The following KDM1A variants were observed in gnomAD, a reference collection of about 807,000 sequenced individuals.
The protein encoded by KDM1A is lysine demethylase 1A.
In KDM1A, 49 loss-of-function variants were observed where a neutral mutation model predicts 109.4. The observed-to-expected ratio is 0.45, with a 90% confidence interval of 0.36 to 0.57. KDM1A has a LOEUF of 0.57. Ranked by LOEUF, KDM1A falls within the 20% of genes least tolerant of loss-of-function variation. The pLI is 0.00. For synonymous variants in KDM1A, 380 were observed against 415.4 expected, an observed-to-expected ratio of 0.91 and a Z score of 1.04; for missense variants, 668 against 1,116.6, an observed-to-expected ratio of 0.60 and a Z score of 5.73.
At chr1:23,053,920 G>A in intron 5 of KDM1A, 81 bp downstream of exon 5, 1 of 761,810 alleles carries the variant, frequency 1.3e-6, no homozygotes, top group Non-Finnish European at 2.3e-6. Flanking sequence ...ATGGTTCCTT[G>A]ATAATTAATT....
At chr1:23,072,341 A>G (rs1643344880) in intron 14 of KDM1A, 144 bp downstream of exon 14, 2 of 651,026 alleles carry the variant, frequency 3.1e-6, no homozygotes, top group Non-Finnish European at 5.5e-6. Context: ...ATGTGTGACT[A>G]CTTTTGAGGT....
chr1:23,071,524 G>A (rs140554228), intron 13 of KDM1A, among the ~76,000 whole-genome samples, 165 bp downstream of exon 13: 40 of 152,256 alleles, frequency 2.6e-4, no homozygotes, highest in African/African-American at 8.9e-4. Flanking sequence ...GGGTTAGTTC[G>A]GTTTAAGACC....
At chr1:23,058,361 G>A (rs1180709923) in intron 8 of KDM1A, among the ~76,000 whole-genome samples, 3 of 152,166 alleles carry the variant, frequency 2.0e-5, no homozygotes, top group Admixed American at 1.3e-4. Context: ...TTACCAGCAT[G>A]AGCCACCATG....
chr1:23,055,454 TGAGAG>T (rs1642804738), intron 6 of KDM1A: 1 of 193,166 alleles, frequency 5.2e-6, no homozygotes, highest in Admixed American at 5.9e-5. Context: ...TTGTTAAAAA[TGAGAG>T]GAGTTCATTC....
At chr1:23,024,142 C>G (rs1055716344) in intron 1 of KDM1A, among the ~76,000 whole-genome samples, 1 of 151,878 alleles carries the variant, frequency 6.6e-6, no homozygotes, top group Non-Finnish European at 1.5e-5. Context: ...AGCCACCTCA[C>G]CCAACCAAGA....
chr1:23,059,318 G>A (rs746637974), intron 9 of KDM1A, 151 bp downstream of exon 9: 1 of 727,490 alleles, frequency 1.4e-6, no homozygotes, highest in Non-Finnish European at 2.5e-6. Flanking sequence ...ATGTTATTCT[G>A]GTTGTTTCTT....
intron 4 of KDM1A, among the ~76,000 whole-genome samples, chr1:23,050,916 C>T (rs1569726661): frequency 6.6e-6 from 1 of 152,096 alleles, no homozygotes; most frequent in South Asian, 2.1e-4. Context: ...AAAACCCTTT[C>T]TCTACTAAAA....
At chr1:23,053,883 A>G (rs374286679) in intron 5 of KDM1A, 44 bp downstream of exon 5, 375 of 1,027,442 alleles carry the variant, frequency 3.6e-4, no homozygotes, top group Non-Finnish European at 4.8e-4. Flanking sequence ...TGGATTGTGA[A>G]AATTGATACG....
chr1:23,041,656 T>A (rs1642339391), intron 2 of KDM1A, among the ~76,000 whole-genome samples: 1 of 151,956 alleles, frequency 6.6e-6, no homozygotes, highest in Admixed American at 6.5e-5. Context: ...TTGGTCAGGC[T>A]GGTCTTGAAC....
At chr1:23,022,293 GA>G (rs1641655824) in intron 1 of KDM1A, among the ~76,000 whole-genome samples, 1 of 151,418 alleles carries the variant, frequency 6.6e-6, no homozygotes, top group East Asian at 1.9e-4. Context: ...GTAAATATAT[GA>G]GGGTTCCAGT....
intron 9 of KDM1A, among the ~76,000 whole-genome samples, chr1:23,063,453 T>G (rs1643076172): frequency 6.6e-6 from 1 of 152,220 alleles, no homozygotes; most frequent in Non-Finnish European, 1.5e-5. Flanking sequence ...ATTTGTGTTC[T>G]TATACAGTGG....
intron 1 of KDM1A, among the ~76,000 whole-genome samples, chr1:23,023,192 A>G (rs1641694208): frequency 6.6e-6 from 1 of 152,180 alleles, no homozygotes; most frequent in South Asian, 2.1e-4. Flanking sequence ...AGAGTTCTTT[A>G]CATATTCTGG....
chr1:23,057,010 T>G (rs1214790870), intron 7 of KDM1A, among the ~76,000 whole-genome samples: 1 of 152,054 alleles, frequency 6.6e-6, no homozygotes, highest in Non-Finnish European at 1.5e-5. Flanking sequence ...GAGAACCATT[T>G]GTCAGAAAAA....
chr1:23,024,503 T>C (rs1641737098), intron 1 of KDM1A, among the ~76,000 whole-genome samples: 1 of 152,264 alleles, frequency 6.6e-6, no homozygotes, highest in Admixed American at 6.5e-5. Flanking sequence ...TATCATTACA[T>C]AATTAAAATT....
At chr1:23,078,862 A>C (rs549515939) in intron 16 of KDM1A, 128 bp from the exon 17 acceptor site, 1 of 857,364 alleles carries the variant, frequency 1.2e-6, no homozygotes, top group South Asian at 1.7e-5. Context: ...TATGTGAAAC[A>C]TGAAGGTAAT....
At chr1:23,034,962 TAAGACTAATGAAG>T (rs1263155582) in intron 2 of KDM1A, among the ~76,000 whole-genome samples, 1 of 152,174 alleles carries the variant, frequency 6.6e-6, no homozygotes, top group East Asian at 1.9e-4. Context: ...TCCTAGTCCT[TAAGACTAATGAAG>T]CCCAGAAGCT....
Position 23,072,214 on chromosome 1 carries a change from C to G in KDM1A, c.1622+17C>G, listed in dbSNP as rs1643340870. ...TCCCCCAAGGTAAGGAAAACAAACA[C>G]AAAAGTTCAGAGGGAGAGCTTTTAC... On this transcript the variant is annotated intron_variant, in intron 14 of 20. Coordinates refer to ENST00000400181, the MANE Select transcript of KDM1A (RefSeq NM_001009999.3). 2 of 1,585,886 alleles carry G rather than the reference C, an allele frequency of 1.3e-6. No individual in the cohort carries two copies. The highest frequency in any genetic ancestry group is 4.5e-5 in the East Asian group (2 of 44,496).
intron 3 of KDM1A, among the ~76,000 whole-genome samples, chr1:23,049,100 C>T (rs1405280567): frequency 3.0e-5 from 4 of 134,598 alleles, no homozygotes; most frequent in South Asian, 2.3e-4. Flanking sequence ...TGCAGTGAGC[C>T]GAGATCGCGC....
chr1:23,044,363 T>C, intron 2 of KDM1A, 64 bp from the exon 3 acceptor site: 1 of 1,495,960 alleles, frequency 6.7e-7, no homozygotes, highest in Non-Finnish European at 9.2e-7. Context: ...ATTAGGCCTT[T>C]ATGTCCAGAT....
Sources: gnomAD v4.1 joint callset for allele counts (sites outside exome capture counted in the v4.1 genomes callset) on GRCh38, gnomAD v4.1.1 for gene constraint, MANE v1.5 for transcripts, NCBI Gene and HGNC (gene_info 2026-07-23, HGNC 2026-07-21) for gene names.